The following TENM3 variants were observed in gnomAD, a reference collection of about 807,000 sequenced individuals.
TENM3 encodes teneurin-3.
Under a neutral mutation model 255.1 loss-of-function variants are expected in TENM3, and 63 were observed. The observed-to-expected ratio is 0.25, with a 90% confidence interval of 0.20 to 0.30. The LOEUF (loss-of-function observed/expected upper bound fraction) is 0.30, where lower values mean the gene tolerates loss of function less well. Among genes scored for constraint, TENM3 ranks in the 10% least tolerant of loss-of-function variants. The pLI is 1.00. For synonymous variants in TENM3, 1,306 were observed against 1,322.3 expected (o/e 0.99, Z 0.27); for missense variants, 2,929 against 3,461.1 (o/e 0.85, Z 3.86).
chr4:182,633,561 C>A (rs1292278555), intron 5 of TENM3, among the ~76,000 whole-genome samples: 1 of 152,182 alleles, frequency 6.6e-6, no homozygotes, highest in Non-Finnish European at 1.5e-5. Context: ...GAGAAAATCA[C>A]CTTGAGATGA....
At chr4:182,394,829 C>T (rs1768690394) in intron 3 of TENM3, among the ~76,000 whole-genome samples, 1 of 152,178 alleles carries the variant, frequency 6.6e-6, no homozygotes, top group Non-Finnish European at 1.5e-5. Context: ...TGGCATTGAT[C>T]AATCTACAAT....
chr4:181,665,670 G>A, the TENM3 span, among the ~76,000 whole-genome samples: 1 of 151,484 alleles, frequency 6.6e-6, no homozygotes, highest in Non-Finnish European at 1.5e-5. Flanking sequence ...GACATATTAT[G>A]TACACATATA....
At chr4:182,755,558 G>T (rs1470295807) in intron 22 of TENM3, among the ~76,000 whole-genome samples, 6 of 151,742 alleles carry the variant, frequency 4.0e-5, no homozygotes, top group Non-Finnish European at 8.8e-5. Flanking sequence ...AAAAAAAATG[G>T]CCGGGCGCAG....
At chr4:182,346,962 A>T in intron 3 of TENM3, 33 bp downstream of exon 3, 3 of 1,452,312 alleles carry the variant, frequency 2.1e-6, no homozygotes, top group South Asian at 1.3e-5. Flanking sequence ...TAATGTTGGC[A>T]TTCAGTGCTT....
intron 1 of TENM3, among the ~76,000 whole-genome samples, chr4:182,176,312 G>A (rs767310603): frequency 6.9e-6 from 1 of 144,574 alleles, no homozygotes; most frequent in East Asian, 1.9e-4. Context: ...CTTCACCACC[G>A]TGTGTCTTTT....
the TENM3 span, among the ~76,000 whole-genome samples, chr4:181,510,517 A>C: frequency 1.3e-5 from 2 of 152,226 alleles, no homozygotes; most frequent in African/African-American, 4.8e-5. Flanking sequence ...TAAACCTACT[A>C]AAGATAGATA....
At chr4:181,465,124 A>G in the TENM3 span, among the ~76,000 whole-genome samples, 1 of 152,224 alleles carries the variant, frequency 6.6e-6, no homozygotes, top group East Asian at 1.9e-4. Flanking sequence ...ACTTTGAGTC[A>G]ATTTTCTTAT....
chr4:181,989,722 A>C, the TENM3 span, among the ~76,000 whole-genome samples: 330 of 152,294 alleles, frequency 2.2e-3, no homozygotes, highest in African/African-American at 7.4e-3. Context: ...AGTGATTACC[A>C]ATCGACTTGG....
chr4:182,596,374 A>T (rs980590438), intron 3 of TENM3, among the ~76,000 whole-genome samples: 4 of 152,164 alleles, frequency 2.6e-5, no homozygotes, highest in African/African-American at 9.7e-5. Context: ...TCCTGCCCGT[A>T]GGGAGCTGAG....
At chr4:182,238,859 C>T (rs1757056415), upstream of TENM3, among the ~76,000 whole-genome samples, 1 of 152,040 alleles carries the variant, frequency 6.6e-6, no homozygotes, top group African/African-American at 2.4e-5. Flanking sequence ...TTACCTACCG[C>T]GGTGACTCAT....
chr4:181,904,430 T>C, the TENM3 span, among the ~76,000 whole-genome samples: 3 of 152,336 alleles, frequency 2.0e-5, no homozygotes, highest in East Asian at 3.9e-4. Flanking sequence ...ACTGTATGCC[T>C]GTATCAAAAC....
intron 4 of TENM3, among the ~76,000 whole-genome samples, chr4:182,621,600 C>T (rs1364958981): frequency 1.3e-5 from 1 of 75,840 alleles, no homozygotes; most frequent in Non-Finnish European, 2.9e-5. Context: ...CCCATCTGTA[C>T]AAAAATATAT....
Position 182,359,365 on chromosome 4 carries a change from GGTAA to G in TENM3, c.511+12438_511+12441del, listed in dbSNP as rs1431670827. On this transcript the variant is annotated intron_variant, in intron 3 of 27. Transcript: ENST00000511685. Reference sequence around the variant, plus strand: ...ATCTGGTCCTGGACTCTTTTTGGTTGGTAAGCTATTGATTATTGCCACAATTTCA... The same window carrying G: ...ATCTGGTCCTGGACTCTTTTTGGTTGGCTATTGATTATTGCCACAATTTCA... Among the ~76,000 whole-genome samples the G allele has an allele frequency of 6.0e-5, 9 of 151,204 alleles. No individual in the cohort carries two copies. In the East Asian group the frequency reaches 1.8e-3, roughly 29 times the overall value.
At chr4:181,998,780 A>G in the TENM3 span, among the ~76,000 whole-genome samples, 4 of 152,198 alleles carry the variant, frequency 2.6e-5, no homozygotes, top group South Asian at 8.3e-4. Context: ...CCTTATTATG[A>G]CAAAGCCTTG....
At chr4:182,028,711 A>C in the TENM3 span, among the ~76,000 whole-genome samples, 3 of 152,164 alleles carry the variant, frequency 2.0e-5, no homozygotes, top group Non-Finnish European at 2.9e-5. Flanking sequence ...CCCACTGGTC[A>C]TTCAGGAGCA....
chr4:182,731,286 A>T (rs1456811814), intron 16 of TENM3, 147 bp downstream of exon 16: 11 of 745,036 alleles, frequency 1.5e-5, no homozygotes, highest in Non-Finnish European at 1.5e-5. Context: ...TGGGCAGATC[A>T]TGAGGTCAGG....
intron 12 of TENM3, among the ~76,000 whole-genome samples, chr4:182,701,685 A>G (rs1757890119): frequency 6.6e-6 from 1 of 152,184 alleles, no homozygotes; most frequent in Non-Finnish European, 1.5e-5. Flanking sequence ...CCCTGCCCCT[A>G]CAAGCGTTGT....
chr4:182,091,487 A>C, the TENM3 span, among the ~76,000 whole-genome samples: 1 of 152,166 alleles, frequency 6.6e-6, no homozygotes, highest in African/African-American at 2.4e-5. Flanking sequence ...AACTAAAGGA[A>C]AGAGGTGAGG....
At chr4:182,504,600 G>A (rs968072443) in intron 3 of TENM3, among the ~76,000 whole-genome samples, 16 of 152,196 alleles carry the variant, frequency 1.1e-4, no homozygotes, top group African/African-American at 2.9e-4. Context: ...ACTTGAAAGC[G>A]AATTAGTTCT....
Sources: gnomAD v4.1 joint callset for allele counts (sites outside exome capture counted in the v4.1 genomes callset) on GRCh38, gnomAD v4.1.1 for gene constraint, MANE v1.5 for transcripts, NCBI Gene and HGNC (gene_info 2026-07-23, HGNC 2026-07-21) for gene names.